The following AGBL4 variants were observed in gnomAD, a reference collection of about 807,000 sequenced individuals.
AGBL4 encodes AGBL carboxypeptidase 4.
AGBL4 carries 58 observed loss-of-function variants against 66.4 expected under a neutral mutation model. That is an observed-to-expected ratio of 0.87 (90% CI 0.71 to 1.09). The LOEUF (loss-of-function observed/expected upper bound fraction) is 1.09, where lower values mean the gene tolerates loss of function less well. AGBL4 is among the 50% of genes least tolerant of loss of function. AGBL4 has a pLI of 0.00. For missense variants in AGBL4, 579 were observed against 631.0 expected, an observed-to-expected ratio of 0.92 and a Z score of 0.88; for synonymous variants, 234 against 222.9, an observed-to-expected ratio of 1.05 and a Z score of -0.44.
chr1:49,582,805 C>T (rs747344085), intron 3 of AGBL4, among the ~76,000 whole-genome samples: 29 of 152,212 alleles, frequency 1.9e-4, no homozygotes, highest in Middle Eastern at 3.4e-3. Flanking sequence ...TCCCTTATTG[C>T]GGATTTTCTC....
At chr1:49,660,107 C>T (rs1646238176) in intron 3 of AGBL4, among the ~76,000 whole-genome samples, 2 of 151,916 alleles carry the variant, frequency 1.3e-5, no homozygotes, top group Non-Finnish European at 2.9e-5. Context: ...TGAATAGGAG[C>T]TAATTAAACT....
At chr1:48,719,545 C>A (rs1647110184) in intron 6 of AGBL4, among the ~76,000 whole-genome samples, 1 of 152,238 alleles carries the variant, frequency 6.6e-6, no homozygotes, top group African/African-American at 2.4e-5. Flanking sequence ...CAGAGTCTAG[C>A]AGCTCAGCCT....
At chr1:49,421,557 G>T (rs1361235254) in intron 3 of AGBL4, among the ~76,000 whole-genome samples, 1 of 152,138 alleles carries the variant, frequency 6.6e-6, no homozygotes, top group East Asian at 1.9e-4. Flanking sequence ...AAAAAACGAA[G>T]AAATAACCTA....
At chr1:49,173,222 T>A (rs1646770975) in intron 4 of AGBL4, among the ~76,000 whole-genome samples, 1 of 152,212 alleles carries the variant, frequency 6.6e-6, no homozygotes, top group East Asian at 1.9e-4. Context: ...TTTTATTCAA[T>A]GCCTATTACG....
At chr1:48,590,713 A>G (rs989579367) in intron 10 of AGBL4, 120 bp downstream of exon 10, 3 of 1,147,144 alleles carry the variant, frequency 2.6e-6, no homozygotes, top group South Asian at 1.6e-5. Flanking sequence ...CACCCACACA[A>G]TACCTAACAC....
intron 8 of AGBL4, among the ~76,000 whole-genome samples, chr1:48,648,785 T>C (rs1162927746): frequency 6.6e-6 from 1 of 152,186 alleles, no homozygotes; most frequent in Non-Finnish European, 1.5e-5. Flanking sequence ...AATAACTAAG[T>C]ATGGCTGAGA....
At chr1:49,342,144 G>A (rs996064593) in intron 3 of AGBL4, among the ~76,000 whole-genome samples, 1 of 152,026 alleles carries the variant, frequency 6.6e-6, no homozygotes, top group African/African-American at 2.4e-5. Flanking sequence ...TCTCTTTTTC[G>A]CTTTTTTTCC....
At chr1:49,114,185 C>A (rs1645470045) in intron 4 of AGBL4, among the ~76,000 whole-genome samples, 1 of 152,242 alleles carries the variant, frequency 6.6e-6, no homozygotes, top group African/African-American at 2.4e-5. Context: ...CTTCATCAGT[C>A]ATCTTAGCTA....
intron 5 of AGBL4, among the ~76,000 whole-genome samples, chr1:48,890,777 G>C (rs1016688933): frequency 5.3e-5 from 8 of 152,156 alleles, no homozygotes; most frequent in Non-Finnish European, 8.8e-5. Flanking sequence ...GCTCAGGTTG[G>C]TATTTCATGG....
intron 4 of AGBL4, among the ~76,000 whole-genome samples, chr1:49,080,291 TAGA>T (rs1644786366): frequency 1.3e-5 from 2 of 151,940 alleles, no homozygotes; most frequent in South Asian, 4.2e-4. Flanking sequence ...GTAAGCAGAG[TAGA>T]AGAACTTGAA....
intron 1 of AGBL4, among the ~76,000 whole-genome samples, chr1:49,965,644 T>C (rs1405154234): frequency 6.6e-6 from 1 of 152,160 alleles, no homozygotes; most frequent in Non-Finnish European, 1.5e-5. Flanking sequence ...TAAAGATTAA[T>C]ATAAACAGCA....
At chr1:49,350,527 T>C (rs944926365) in intron 3 of AGBL4, among the ~76,000 whole-genome samples, 1 of 152,218 alleles carries the variant, frequency 6.6e-6, no homozygotes, top group Non-Finnish European at 1.5e-5. Context: ...AATAAATGAA[T>C]GAAATGTTTG....
At chr1:49,739,100 C>T (rs1413677426) in intron 2 of AGBL4, among the ~76,000 whole-genome samples, 1 of 151,644 alleles carries the variant, frequency 6.6e-6, no homozygotes, top group Non-Finnish European at 1.5e-5. Context: ...GACGATCAAA[C>T]TACTCTGAGC....
intron 4 of AGBL4, among the ~76,000 whole-genome samples, chr1:49,071,954 A>T (rs186372453): frequency 1.3e-5 from 2 of 152,006 alleles, no homozygotes; most frequent in African/African-American, 2.4e-5. Context: ...TATATTCAGG[A>T]TAGTTAGCTC....
At chr1:49,724,564 T>A (rs1351894692) in intron 2 of AGBL4, among the ~76,000 whole-genome samples, 1 of 152,138 alleles carries the variant, frequency 6.6e-6, no homozygotes, top group Non-Finnish European at 1.5e-5. Flanking sequence ...GGTTTATGGA[T>A]AAAAGTATTC....
At chr1:49,731,936 A>C (rs1649487917) in intron 2 of AGBL4, among the ~76,000 whole-genome samples, 1 of 152,212 alleles carries the variant, frequency 6.6e-6, no homozygotes, top group African/African-American at 2.4e-5. Context: ...AATAGAGGGA[A>C]ACTGACATTC....
rs748733437 is a variant in AGBL4, at chr1:49,180,980, T to A, written c.377+64790A>T. Among the ~76,000 whole-genome samples the A allele has an allele frequency of 4.3e-3, 652 of 152,314 alleles. 4 individuals carry two copies. Among genetic ancestry groups the A allele is most frequent in the Admixed American group, 0.014 (207 of 15,298 alleles). On this transcript the variant is annotated intron_variant, in intron 4 of 13. Transcript: ENST00000371839. Reference sequence around the variant, plus strand: ...TCAACACAATGTTTTAAATATGGCTTGGAAAAACCTCTCCTCAGCATGGTC... The same window carrying A: ...TCAACACAATGTTTTAAATATGGCTAGGAAAAACCTCTCCTCAGCATGGTC...
chr1:48,995,568 A>T (rs1350705649), intron 5 of AGBL4, among the ~76,000 whole-genome samples: 2 of 152,250 alleles, frequency 1.3e-5, no homozygotes, highest in Non-Finnish European at 2.9e-5. Flanking sequence ...TTATGAAGAA[A>T]ATTAAATGGC....
At chr1:48,796,972 T>C (rs1645689988) in intron 6 of AGBL4, among the ~76,000 whole-genome samples, 1 of 152,196 alleles carries the variant, frequency 6.6e-6, no homozygotes, top group African/African-American at 2.4e-5. Flanking sequence ...TTGAATCATA[T>C]GTCCTTCTAG....
Sources: gnomAD v4.1 joint callset for allele counts (sites outside exome capture counted in the v4.1 genomes callset) on GRCh38, gnomAD v4.1.1 for gene constraint, MANE v1.5 for transcripts, NCBI Gene and HGNC (gene_info 2026-07-23, HGNC 2026-07-21) for gene names.